IDO2: variants seen among roughly 807,000 people sequenced by gnomAD.
IDO2 encodes the protein indoleamine 2,3-dioxygenase 2, also known as indoleamine 2,3-dioxygenase-like 1 protein.
IDO2 carries 46 observed loss-of-function variants against 45.1 expected under a neutral mutation model. The ratio of observed to expected loss-of-function variants is 1.02; its 90% CI spans 0.80 to 1.30. The LOEUF is 1.30. IDO2 is among the 50% of genes most tolerant of loss of function. The pLI is 0.00. For missense variants in IDO2, 544 were observed against 491.8 expected, an observed-to-expected ratio of 1.11 and a Z score of -1.00; for synonymous variants, 218 against 184.9, an observed-to-expected ratio of 1.18 and a Z score of -1.45.
exon 10 of IDO2, chr8:40,013,570 A>G: frequency 6.2e-7 from 1 of 1,612,770 alleles, no homozygotes. Flanking sequence ...CTTAGATGGA[A>G]AGACAACCCA....
At chr8:39,998,307 T>A (rs754067185) in intron 8 of IDO2, 1 of 152,258 alleles carries the variant, frequency 6.6e-6, no homozygotes, top group East Asian at 1.9e-4. Context: ...AATGTATATT[T>A]TGTTCTCTGC....
At chr8:39,935,428 GTTGTT>G (rs1807530667) in intron 1 of IDO2, among the ~76,000 whole-genome samples, 1 of 18,178 alleles carries the variant, frequency 5.5e-5, no homozygotes, top group African/African-American at 7.0e-5. Context: ...TTTTCTGGTT[GTTGTT>G]GTTGTTGTTG....
At chr8:39,992,839 T>C (rs992567241) in intron 8 of IDO2, among the ~76,000 whole-genome samples, 1 of 152,164 alleles carries the variant, frequency 6.6e-6, no homozygotes, top group Admixed American at 6.5e-5. Flanking sequence ...TCCAGGCACG[T>C]AGAGCCCTTC....
intron 8 of IDO2, among the ~76,000 whole-genome samples, chr8:39,990,179 G>A (rs1288124683): frequency 6.6e-6 from 1 of 152,136 alleles, no homozygotes; most frequent in Admixed American, 6.6e-5. Flanking sequence ...CCATCCTGCA[G>A]TGTTAGGTAC....
chr8:39,950,016 G>A lies in IDO2; in HGVS notation c.99+752G>A, dbSNP rs1450338641. Among the ~76,000 whole-genome samples, 4 of 151,750 alleles carry A rather than the reference G, an allele frequency of 2.6e-5. No individual in the cohort carries two copies. In the East Asian group the frequency reaches 7.7e-4, roughly 29 times the overall value. The stretch of plus-strand genomic sequence containing the variant: ...TTTTTCTCATCTGGTGTGGTCCAAG[G>A]CCTAGAACATTAAAACTATCAAAGC... On this transcript the variant is annotated intron_variant, in intron 2 of 10. Transcript: ENST00000502986.
intron 7 of IDO2, 124 bp from the exon 8 acceptor site, chr8:39,989,597 C>A: frequency 1.5e-6 from 1 of 675,948 alleles, no homozygotes; most frequent in Non-Finnish European, 2.5e-6. Context: ...TAGCTTAGGA[C>A]GTTCCCAGGA....
chr8:39,996,116 C>A (rs1047761765), intron 8 of IDO2, among the ~76,000 whole-genome samples: 15 of 151,114 alleles, frequency 9.9e-5, no homozygotes, highest in Non-Finnish European at 1.5e-4. Context: ...GTTACTTAGC[C>A]GACCGGGAAA....
intron 3 of IDO2, among the ~76,000 whole-genome samples, chr8:39,978,730 C>T (rs1402492881): frequency 1.3e-5 from 2 of 152,000 alleles, no homozygotes; most frequent in Non-Finnish European, 2.9e-5. Context: ...GAAATAAGTC[C>T]GCTCAGTCCT....
At chr8:39,965,837 T>C (rs1808076570) in intron 3 of IDO2, among the ~76,000 whole-genome samples, 1 of 152,024 alleles carries the variant, frequency 6.6e-6, no homozygotes, top group Non-Finnish European at 1.5e-5. Flanking sequence ...TGGAACAGAA[T>C]GGAACAAATT....
At chr8:39,966,023 C>CTTGTTT (rs1808079294) in intron 3 of IDO2, among the ~76,000 whole-genome samples, 3 of 122,492 alleles carry the variant, frequency 2.4e-5, no homozygotes, top group Non-Finnish European at 5.0e-5. Flanking sequence ...GTCTCTATCG[C>CTTGTTT]TTCTTTTTTT....
chr8:39,979,255 G>C, intron 4 of IDO2, 69 bp downstream of exon 4: 7 of 1,537,976 alleles, frequency 4.6e-6, no homozygotes, highest in Non-Finnish European at 5.3e-6. Context: ...CGTGCTCCCT[G>C]CTTGGTGCTA....
At position 39,963,592 on chromosome 8, in the gene IDO2, T is replaced by G. The variant is rs1255802877; in HGVS notation, c.100-16T>G. ...GAGAGGTCTAAAATATTTACATGTT[T>G]CTATTTTAAATGCAGAAAGAACTTC... On this transcript the variant is annotated splice_polypyrimidine_tract_variant and intron_variant, in intron 2 of 10. Transcript: ENST00000502986. 1 of 1,522,498 alleles carries G rather than the reference T, an allele frequency of 6.6e-7. No homozygotes were observed. The highest frequency in any genetic ancestry group is 9.0e-7 in the Non-Finnish European group (1 of 1,105,126). The allele number at this position is 1,522,498 out of a possible 1,614,324, so 94.3% of individuals were successfully genotyped here.
intron 1 of IDO2, among the ~76,000 whole-genome samples, chr8:39,935,790 C>T (rs1807537431): frequency 1.3e-5 from 2 of 152,128 alleles, no homozygotes; most frequent in African/African-American, 4.8e-5. Context: ...ATGGCACAGT[C>T]AAGAACACCA....
At position 39,995,251 on chromosome 8, in the gene IDO2, C is replaced by CTTCTTCTTCTTCTTCTT. The variant is rs1554548609; in HGVS notation, c.667+5413_667+5414insTTCTTCTTCTTCTTCTT. 5.0e-4 allele frequency: 39 copies of CTTCTTCTTCTTCTTCTT among 78,064 alleles called. 1 individual carries two copies. The highest frequency in any genetic ancestry group is 1.3e-3 in the African/African-American group (25 of 19,632). 4.8% of individuals were successfully genotyped at this position (78,064 alleles called of 1,614,324 possible). A position where few individuals can be genotyped will look rare whatever the true frequency, so the allele number is the denominator to read the frequency against. ...TCCTTCTCCTTCTCCTTCTCCTTCT[C>CTTCTTCTTCTTCTTCTT]CTTCTTCTTCTTCCTCTTCTTCTTC... On this transcript the variant is annotated intron_variant, in intron 8 of 10. Coordinates refer to ENST00000502986, the Ensembl canonical transcript of IDO2.
chr8:40,013,753 G>A (rs749820550), intron 10 of IDO2, 40 bp downstream of exon 10: 5 of 1,404,534 alleles, frequency 3.6e-6, no homozygotes, highest in Admixed American at 6.1e-5. Context: ...AGTAGAGGGA[G>A]GAAGAGGAGA....
exon 11 of IDO2, chr8:40,016,191 G>T: frequency 2.5e-6 from 1 of 397,784 alleles, no homozygotes; most frequent in Non-Finnish European, 4.4e-6. Context: ...TATGGGAACG[G>T]ATGAGACTTT....
At chr8:40,015,606 G>A (rs1450030305) in exon 11 of IDO2, 7 of 1,599,998 alleles carry the variant, frequency 4.4e-6, no homozygotes, top group Non-Finnish European at 6.0e-6. Flanking sequence ...TGGTTAGGAG[G>A]CTGCCCTCTC....
chr8:39,992,796 A>T lies in IDO2; in HGVS notation c.667+2958A>T, dbSNP rs117977292. ...GAGCCCAGCTTTAGCAAGAGTCATG[A>T]GCTCTAATCCCTTCATCCATAAATA... On this transcript the variant is annotated intron_variant, in intron 8 of 10. Transcript: ENST00000502986. Among the ~76,000 whole-genome samples, 1,122 of 152,240 alleles carry T rather than the reference A, an allele frequency of 7.4e-3. 10 individuals carry two copies. Among genetic ancestry groups the T allele is most frequent in the Non-Finnish European group, 0.012 (838 of 68,028 alleles).
intron 3 of IDO2, among the ~76,000 whole-genome samples, chr8:39,974,548 C>T (rs570804376): frequency 1.3e-5 from 2 of 152,062 alleles, no homozygotes; most frequent in African/African-American, 2.4e-5. Context: ...TTTGGGAGGC[C>T]GAGGTGGGTG....
Sources: gnomAD v4.1 joint callset for allele counts (sites outside exome capture counted in the v4.1 genomes callset) on GRCh38, gnomAD v4.1.1 for gene constraint, MANE v1.5 for transcripts, NCBI Gene and HGNC (gene_info 2026-07-23, HGNC 2026-07-21) for gene names.